PIGR: variants seen among roughly 807,000 people sequenced by gnomAD.
PIGR encodes the protein hepatocellular carcinoma associated protein TB6.
A neutral mutation model predicts 69.5 loss-of-function variants in PIGR; 22 were observed. That is an observed-to-expected ratio of 0.32 (90% CI 0.23 to 0.45). The LOEUF is 0.45. PIGR is among the 20% of genes least tolerant of loss of function. The pLI is 1.00. For missense variants in PIGR, 885 were observed against 974.0 expected, an observed-to-expected ratio of 0.91 and a Z score of 1.22; for synonymous variants, 413 against 407.6, an observed-to-expected ratio of 1.01 and a Z score of -0.16.
At position 206,946,378 on chromosome 1, in the gene PIGR, C is replaced by T. The variant is rs538399597; in HGVS notation, c.-96G>A. On this transcript the variant is annotated 5_prime_UTR_variant, in exon 1 of 11. Coordinates refer to ENST00000356495, the MANE Select transcript of PIGR (RefSeq NM_002644.4). ...TCTCCCGTTGATCTGACTTCAGGGA[C>T]ACAGCCTGCTGGCCAGTTGGTAACC... The T allele has an allele frequency of 6.6e-6, 1 of 152,412 alleles. No homozygotes were observed. Among genetic ancestry groups the T allele is most frequent in the East Asian group, 1.9e-4 (1 of 5,186 alleles). The allele number at this position is 152,412 out of a possible 1,614,324, so 9.4% of individuals were successfully genotyped here. A position where few individuals can be genotyped will look rare whatever the true frequency, so the allele number is the denominator to read the frequency against.
In PIGR at chr1:206,937,473, C is replaced by T; in HGVS notation, c.667G>A (p.Gly223Arg). Reference sequence around the variant, plus strand: ...TTCTTATTACTATTGGAATCATCCCCAGCCTGGCAGAGATACTGCCCAGCA... The same window carrying T: ...TTCTTATTACTATTGGAATCATCCCTAGCCTGGCAGAGATACTGCCCAGCA... Reference protein sequence around the residue: ...SDAGQYLCQAGDDSNSNKKNA... With the variant: ...SDAGQYLCQARDDSNSNKKNA... The change falls in exon 4 of 11, where the codon GGG becomes AGG. Residue 223 changes from glycine to arginine, a missense_variant. Physicochemically the swap from Gly to Arg is moderately radical, Grantham distance 125 (BLOSUM62 -2). Transcript: ENST00000356495. The T allele has an allele frequency of 6.2e-7, 1 of 1,614,224 alleles. No homozygotes were observed. Among genetic ancestry groups the T allele is most frequent in the Non-Finnish European group, 8.5e-7 (1 of 1,180,048 alleles).
At position 206,932,313 on chromosome 1, in the gene PIGR, A is replaced by C. The variant is rs1253806552; in HGVS notation, c.2008+143T>G. On this transcript the variant is annotated intron_variant, in intron 8 of 10. Coordinates refer to ENST00000356495, the MANE Select transcript of PIGR (RefSeq NM_002644.4). ...TTCAGTTTCGAGTATGTGTGGGTTT[A>C]TCTTTCCCCATCCTGCTTTCTCGGG... 6 of 1,017,190 alleles carry C rather than the reference A, an allele frequency of 5.9e-6. No individual in the cohort carries two copies. In the South Asian group the frequency reaches 1.1e-4, roughly 19 times the overall value. 63.0% of individuals were successfully genotyped at this position (1,017,190 alleles called of 1,614,324 possible). A position where few individuals can be genotyped will look rare whatever the true frequency, so the allele number is the denominator to read the frequency against.
intron 6 of PIGR, 107 bp downstream of exon 6, chr1:206,934,313 C>T (rs763852373): frequency 1.0e-4 from 99 of 972,962 alleles, no homozygotes; most frequent in Non-Finnish European, 1.2e-4. Flanking sequence ...CAGCCTCTTA[C>T]AGCCAAACAT....
chr1:206,938,626 T>C (rs374010396), intron 3 of PIGR, among the ~76,000 whole-genome samples: 1 of 152,240 alleles, frequency 6.6e-6, no homozygotes, highest in South Asian at 2.1e-4. Flanking sequence ...TTGGTCAAGA[T>C]CTAATAATCT....
chr1:206,940,138 T>C (rs943320686), intron 2 of PIGR, among the ~76,000 whole-genome samples: 2 of 152,182 alleles, frequency 1.3e-5, no homozygotes, highest in African/African-American at 2.4e-5. Context: ...TTCTTTTTTT[T>C]CCCCCAGATA....
Position 206,934,430 on chromosome 1 carries a change from C to T in PIGR, c.1695G>A (p.Arg565=). 3 of 1,612,998 alleles carry T rather than the reference C, an allele frequency of 1.9e-6. No homozygotes were observed. Among genetic ancestry groups the T allele is most frequent in the Non-Finnish European group, 2.5e-6 (3 of 1,179,058 alleles). ...TAAVYVAVEE[R]KAAGSRDVSL... is the part of the protein sequence containing the mutation. ...TCCTTGGAGACTCACCCGCTGCCTT[C>T]CTCTCTTCAACTGCCACATAGACGG... is the stretch of plus-strand genomic sequence containing the variant. Residue 565 remains arginine (R), a synonymous_variant, in exon 6 of 11, where the codon AGG becomes AGA. Transcript: ENST00000356495.
Position 206,937,444 on chromosome 1 carries a change from A to C in PIGR, c.696T>G (p.Asn232Lys). ...AGDDSNSNKKNADLQVLKPEP... is the reference protein window; with the variant it reads ...AGDDSNSNKKKADLQVLKPEP... The stretch of plus-strand genomic sequence containing the variant: ...CGGGCTTTAGCACTTGGAGGTCAGC[A>C]TTCTTCTTATTACTATTGGAATCAT... Residue 232 changes from asparagine to lysine, a missense_variant, in exon 4 of 11, where the codon AAT becomes AAG. By Grantham distance (94) the Asn-to-Lys change is moderately conservative. Coordinates refer to ENST00000356495, the MANE Select transcript of PIGR (RefSeq NM_002644.4). The C allele has an allele frequency of 6.2e-7, 1 of 1,614,192 alleles. No individual in the cohort carries two copies. Among genetic ancestry groups the C allele is most frequent in the Non-Finnish European group, 8.5e-7 (1 of 1,180,032 alleles).
Position 206,932,527 on chromosome 1 carries a change from G to A in PIGR, c.1937C>T (p.Pro646Leu), listed in dbSNP as rs1679776533. 6.2e-7 allele frequency: 1 copy of A among 1,613,734 alleles called. No homozygotes were observed. Among genetic ancestry groups the A allele is most frequent in the Admixed American group, 1.7e-5 (1 of 59,982 alleles). ...TCCCACTGCCAGCACCAGGCCCAGG[G>A]GCACCAGGGTGGAGACCAGCGCTCT... ...SSRALVSTLV[P>L]LGLVLAVGAV... is the part of the protein sequence containing the mutation. The change falls in exon 8 of 11, where the codon CCC becomes CTC. Residue 646 changes from proline to leucine, a missense_variant. Physicochemically the swap from Pro to Leu is moderately conservative, Grantham distance 98 (BLOSUM62 -3). Transcript: ENST00000356495.
chr1:206,940,476 C>G lies in PIGR; in HGVS notation c.43+13G>C. 6.4e-7 allele frequency: 1 copy of G among 1,551,386 alleles called. No homozygotes were observed. Among genetic ancestry groups the G allele is most frequent in the Non-Finnish European group, 8.7e-7 (1 of 1,146,858 alleles). ...GGGGTGGAGCTTGGAGAGTTGGGGC[C>G]TGGCAGACACACCTGGGAAGACCGC... On this transcript the variant is annotated intron_variant, in intron 2 of 10. Transcript: ENST00000356495.
intron 2 of PIGR, among the ~76,000 whole-genome samples, chr1:206,939,765 C>T (rs1475029773): frequency 2.6e-5 from 4 of 152,226 alleles, no homozygotes; most frequent in South Asian, 2.1e-4. Context: ...CTCTCTCTGT[C>T]GCCCAGGCTG....
In PIGR at chr1:206,932,460, G is replaced by A. The variant is rs765603100; in HGVS notation, c.2004C>T (p.Asn668=). The change falls in exon 8 of 11, where the codon AAC becomes AAT. Residue 668 remains asparagine (N), a synonymous_variant. Transcript: ENST00000356495. Reference sequence around the variant, plus strand: ...GGGAGTATCCCAGGGACTCACCGACGTTCTTCCTGTGCCGGGCTCTGGCCA... The same window carrying A: ...GGGAGTATCCCAGGGACTCACCGACATTCTTCCTGTGCCGGGCTCTGGCCA... ...VGVARARHRK[N]VDRVSIRSYR... is the part of the protein sequence containing the mutation. The A allele has an allele frequency of 4.7e-5, 75 of 1,610,894 alleles. No homozygotes were observed. The highest frequency in any genetic ancestry group is 5.4e-5 in the Non-Finnish European group (64 of 1,179,288).
chr1:206,932,435 G>C, intron 8 of PIGR, 21 bp downstream of exon 8: 1 of 1,598,434 alleles, frequency 6.3e-7, no homozygotes, highest in Non-Finnish European at 8.5e-7. Context: ...GTGGGAGGCA[G>C]GGAGTATCCC....
Position 206,937,593 on chromosome 1 carries a change from C to G in PIGR, c.547G>C (p.Val183Leu), listed in dbSNP as rs573198040. ...PVLVIDSSGY[V>L]NPNYTGRIRL... Reference sequence around the variant, plus strand: ...ATTCTTCCTGTATAGTTGGGATTTACATAACCACTGGAGTCGATGACCAGC... The same window carrying G: ...ATTCTTCCTGTATAGTTGGGATTTAGATAACCACTGGAGTCGATGACCAGC... Residue 183 changes from valine (V) to leucine (L), a missense_variant, in exon 4 of 11, where the codon GTA becomes CTA. Coordinates refer to ENST00000356495, the MANE Select transcript of PIGR (RefSeq NM_002644.4). 131 of 1,614,080 alleles carry G rather than the reference C, an allele frequency of 8.1e-5. No individual in the cohort carries two copies. The highest frequency in any genetic ancestry group is 5.8e-4 in the Admixed American group (35 of 60,004).
rs532318237 is a variant in PIGR, at chr1:206,935,783, C to A, written c.1081G>T (p.Gly361Trp). 8.7e-6 allele frequency: 14 copies of A among 1,610,478 alleles called. No homozygotes were observed. Among genetic ancestry groups the A allele is most frequent in the Non-Finnish European group, 1.0e-5 (12 of 1,177,302 alleles). The change falls in exon 5 of 11, where the codon GGG becomes TGG. Residue 361 changes from glycine (G) to tryptophan (W), a missense_variant. Transcript: ENST00000356495. The surrounding 1 kb of genome is among the most constrained non-coding windows in gnomAD (Gnocchi z 4.4). ...TIPRSPTVVK[G>W]VAGGSVAVLC... ...ACGGCCACAGAGCCTCCTGCCACCC[C>A]CTTCACCACAGTGGGGCTGCGGGGA...
Position 206,935,790 on chromosome 1 carries a change from C to T in PIGR, c.1074G>A (p.Val358=). Residue 358 remains valine (V), a synonymous_variant, in exon 5 of 11, where the codon GTG becomes GTA. Transcript: ENST00000356495. This position sits in a 1 kb window ranked among gnomAD's most constrained non-coding sequence, Gnocchi z 4.4. ...CAGAGCCTCCTGCCACCCCCTTCACCACAGTGGGGCTGCGGGGAATCGTGG... is the reference window on the plus strand; with the variant it reads ...CAGAGCCTCCTGCCACCCCCTTCACTACAGTGGGGCTGCGGGGAATCGTGG... ...EESTIPRSPT[V]VKGVAGGSVA... The T allele has an allele frequency of 8.7e-6, 14 of 1,606,880 alleles. No individual in the cohort carries two copies. Among genetic ancestry groups the T allele is most frequent in the Non-Finnish European group, 1.1e-5 (13 of 1,174,304 alleles).
In PIGR at chr1:206,929,069, C is replaced by CAAAAAA. The variant is rs34687571; in HGVS notation, c.*1243_*1248dup. Reference sequence around the variant, plus strand: ...TCAACATGGCGAAACCCTGTCTCTACAAAAAAAAAAAAAAAAAAAAAAAAT... The same window carrying CAAAAAA: ...TCAACATGGCGAAACCCTGTCTCTACAAAAAAAAAAAAAAAAAAAAAAAAAAAAAAT... On this transcript the variant is annotated 3_prime_UTR_variant, in exon 11 of 11. Transcript: ENST00000356495. 1.2e-5 allele frequency: 1 copy of CAAAAAA among 83,840 alleles called. No individual in the cohort carries two copies. 5.2% of individuals were successfully genotyped at this position (83,840 alleles called of 1,614,324 possible).
In PIGR at chr1:206,935,280, C is replaced by T. The variant is rs1679840046; in HGVS notation, c.1378+206G>A. 6.6e-6 allele frequency among the ~76,000 whole-genome samples: 1 copy of T among 152,152 alleles called. No homozygotes were observed. Among genetic ancestry groups the T allele is most frequent in the Non-Finnish European group, 1.5e-5 (1 of 68,030 alleles). ...GCACACTGCGAAAGAAGCCCATGTT[C>T]TTGGTAGTAGGAGGTACCATGTATG... is the stretch of plus-strand genomic sequence containing the variant. On this transcript the variant is annotated intron_variant, in intron 5 of 10. Transcript: ENST00000356495. This position sits in a 1 kb window ranked among gnomAD's most constrained non-coding sequence, Gnocchi z 4.4.
In PIGR at chr1:206,928,752, G is replaced by A. The variant is rs543335077; in HGVS notation, c.*1566C>T. 9 of 152,622 alleles carry A rather than the reference G, an allele frequency of 5.9e-5. No individual in the cohort carries two copies. Among genetic ancestry groups the A allele is most frequent in the African/African-American group, 1.9e-4 (8 of 41,488 alleles). 9.5% of individuals were successfully genotyped at this position (152,622 alleles called of 1,614,324 possible). A position where few individuals can be genotyped will look rare whatever the true frequency, so the allele number is the denominator to read the frequency against. ...GGGTTTGGCCATTCTTTTATCTTGG[G>A]TCCATGTGAGTGACAGAAATGGTGC... On this transcript the variant is annotated 3_prime_UTR_variant, in exon 11 of 11. Coordinates refer to ENST00000356495, the MANE Select transcript of PIGR (RefSeq NM_002644.4).
rs1339181182 is a variant in PIGR at position 206,937,202 on chromosome 1, G to A, written c.938C>T (p.Thr313Ile). 5 of 1,614,078 alleles carry A rather than the reference G, an allele frequency of 3.1e-6. No homozygotes were observed. In the African/African-American group the frequency reaches 4.0e-5, roughly 13 times the overall value. ...DKDGSFSVVI[T>I]GLRKEDAGRY... ...CCCTGCATCCTCCTTCCTCAGGCCT[G>A]TGATCACCACACTGAATGAGCCATC... The change falls in exon 4 of 11, where the codon ACA becomes ATA. Residue 313 changes from threonine (T) to isoleucine (I), a missense_variant. Coordinates refer to ENST00000356495, the MANE Select transcript of PIGR (RefSeq NM_002644.4).
Sources: allele counts gnomAD v4.1 joint callset (sites outside exome capture counted in the v4.1 genomes callset), GRCh38; gene constraint gnomAD v4.1.1; non-coding constraint Gnocchi (gnomAD v3.1); transcripts MANE v1.5; gene names NCBI Gene and HGNC (gene_info 2026-07-23, HGNC 2026-07-21).